Variants in CACNA1A observed in about 807,000 individuals in gnomAD.
The protein encoded by CACNA1A is calcium voltage-gated channel subunit alpha1 A, also known as voltage-dependent P/Q-type calcium channel subunit alpha-1A.
A neutral mutation model predicts 262.4 loss-of-function variants in CACNA1A; 57 were observed. That is an observed-to-expected ratio of 0.22 (90% CI 0.18 to 0.27). CACNA1A has a LOEUF of 0.27. CACNA1A is among the 10% of genes least tolerant of loss of function. The pLI is 1.00. For synonymous variants in CACNA1A, 1,431 were observed against 1,419.3 expected (o/e 1.01, Z -0.18); for missense variants, 2,526 against 3,562.8 (o/e 0.71, Z 7.41).
intron 38 of CACNA1A, among the ~76,000 whole-genome samples, chr19:13,221,234 C>CTTTCTTTCT (rs1555734435): frequency 2.8e-5 from 1 of 36,300 alleles, no homozygotes; most frequent in Admixed American, 4.5e-4. Flanking sequence ...TTCTTTCTTT[C>CTTTCTTTCT]TTTTTTTTTT....
chr19:13,329,489 T>C (rs1338351566), intron 10 of CACNA1A, among the ~76,000 whole-genome samples: 1 of 147,674 alleles, frequency 6.8e-6, no homozygotes, highest in African/African-American at 2.5e-5. Flanking sequence ...TTTGTGTCTT[T>C]TTTTTTTTTT....
chr19:13,238,180 G>C (rs1045923524), intron 31 of CACNA1A, among the ~76,000 whole-genome samples: 6 of 152,038 alleles, frequency 3.9e-5, no homozygotes, highest in Non-Finnish European at 8.8e-5. Context: ...TCTTTCCACT[G>C]CCCCCAGAAC....
At chr19:13,453,604 A>G (rs1878438377) in intron 2 of CACNA1A, among the ~76,000 whole-genome samples, 2 of 152,252 alleles carry the variant, frequency 1.3e-5, no homozygotes, top group South Asian at 4.1e-4. Flanking sequence ...TTGGAATAGG[A>G]CTTCTGTACT....
intron 3 of CACNA1A, among the ~76,000 whole-genome samples, chr19:13,384,626 G>C (rs1441729125): frequency 6.6e-6 from 1 of 152,194 alleles, no homozygotes; most frequent in Admixed American, 6.5e-5. Context: ...CTTGAACCTG[G>C]GAGGCAGAGG....
chr19:13,259,952 C>A (rs2056685794), intron 26 of CACNA1A: 1 of 445,544 alleles, frequency 2.2e-6, no homozygotes, highest in African/African-American at 2.0e-5. Context: ...GACCCAGGGT[C>A]CAGCACCCTC....
At chr19:13,250,806 A>G (rs946279678) in intron 30 of CACNA1A, among the ~76,000 whole-genome samples, 3 of 152,226 alleles carry the variant, frequency 2.0e-5, no homozygotes, top group African/African-American at 7.2e-5. Context: ...CAAGGGCTTC[A>G]AGGTTACCTT....
intron 38 of CACNA1A, among the ~76,000 whole-genome samples, chr19:13,218,526 G>T (rs2055103577): frequency 6.6e-6 from 1 of 152,148 alleles, no homozygotes; most frequent in Non-Finnish European, 1.5e-5. Flanking sequence ...CTCGCACCTG[G>T]TGTCTCCTGG....
intron 4 of CACNA1A, among the ~76,000 whole-genome samples, chr19:13,368,447 C>T (rs1287438371): frequency 6.6e-6 from 1 of 151,980 alleles, no homozygotes; most frequent in Admixed American, 6.6e-5. Flanking sequence ...AGCCTCCTGC[C>T]TCAGCCTCCC....
chr19:13,431,680 A>C (rs2060506758), intron 3 of CACNA1A, among the ~76,000 whole-genome samples: 1 of 152,166 alleles, frequency 6.6e-6, no homozygotes, highest in East Asian at 1.9e-4. Flanking sequence ...GTACACAATG[A>C]AGTACTATTC....
At chr19:13,268,578 G>A (rs1262867195) in intron 24 of CACNA1A, among the ~76,000 whole-genome samples, 1 of 151,644 alleles carries the variant, frequency 6.6e-6, no homozygotes, top group Non-Finnish European at 1.5e-5. Context: ...GACTACAGGC[G>A]CCCACCACCA....
At chr19:13,476,612 A>G (rs1471261386) in intron 1 of CACNA1A, among the ~76,000 whole-genome samples, 1 of 152,160 alleles carries the variant, frequency 6.6e-6, no homozygotes, top group East Asian at 1.9e-4. Context: ...GGGGGATGAA[A>G]TGTTCTGAGA....
intron 3 of CACNA1A, among the ~76,000 whole-genome samples, chr19:13,406,468 T>TAG (rs2060007125): frequency 7.3e-5 from 1 of 13,792 alleles, no homozygotes; most frequent in Non-Finnish European, 1.8e-4. Context: ...AAAAAAATTA[T>TAG]ATATATATAT....
In CACNA1A at chr19:13,207,226, G is replaced by A; in HGVS notation, c.*87C>T. On this transcript the variant is annotated 3_prime_UTR_variant, in exon 47 of 47. Coordinates refer to ENST00000360228, the MANE Select transcript of CACNA1A (RefSeq NM_001127222.2). This position sits in a 1 kb window ranked among gnomAD's most constrained non-coding sequence, Gnocchi z 5.7. The stretch of plus-strand genomic sequence containing the variant: ...GGCCCTCTCCCGGGCCCTCTGTGCT[G>A]GGCCCCCGCGGCCTCTGCGCGGCTC... 1 of 1,355,394 alleles carries A rather than the reference G, an allele frequency of 7.4e-7. No individual in the cohort carries two copies. The highest frequency in any genetic ancestry group is 9.6e-7 in the Non-Finnish European group (1 of 1,042,618). 84.0% of individuals were successfully genotyped at this position (1,355,394 alleles called of 1,614,324 possible).
At chr19:13,342,426 G>A (rs1270594497) in intron 6 of CACNA1A, among the ~76,000 whole-genome samples, 2 of 152,164 alleles carry the variant, frequency 1.3e-5, no homozygotes, top group South Asian at 2.1e-4. Flanking sequence ...GGGGAGGATG[G>A]CTTGCTCATT....
chr19:13,274,123 A>G (rs1240239225), intron 24 of CACNA1A: 1 of 152,224 alleles, frequency 6.6e-6, no homozygotes, highest in Non-Finnish European at 1.5e-5. Flanking sequence ...GAGAAAAAGA[A>G]AAGAGTAAAC....
chr19:13,373,388 T>C (rs1051987446), intron 3 of CACNA1A, among the ~76,000 whole-genome samples: 1 of 152,248 alleles, frequency 6.6e-6, no homozygotes, highest in Non-Finnish European at 1.5e-5. Flanking sequence ...CTGGTATCTG[T>C]ACCTCTTGCC....
chr19:13,455,296 G>C, intron 1 of CACNA1A, 84 bp from the exon 2 acceptor site: 1 of 778,022 alleles, frequency 1.3e-6, no homozygotes, highest in Non-Finnish European at 2.3e-6. Context: ...CCAGTGGAAA[G>C]ATCTCAAGCC....
chr19:13,297,743 G>T (rs1363358175), intron 19 of CACNA1A, among the ~76,000 whole-genome samples: 1 of 152,110 alleles, frequency 6.6e-6, no homozygotes, highest in Non-Finnish European at 1.5e-5. Flanking sequence ...AGCCCGGGAG[G>T]TAGAGGCTGC....
intron 3 of CACNA1A, among the ~76,000 whole-genome samples, chr19:13,424,385 C>A (rs953000977): frequency 1.3e-5 from 2 of 152,084 alleles, no homozygotes; most frequent in African/African-American, 4.8e-5. Context: ...AACAAACAAA[C>A]AAACAACAAC....
Sources: gnomAD v4.1 joint callset for allele counts (sites outside exome capture counted in the v4.1 genomes callset) on GRCh38, gnomAD v4.1.1 for gene constraint, Gnocchi (gnomAD v3.1) non-coding constraint, MANE v1.5 for transcripts, NCBI Gene and HGNC (gene_info 2026-07-23, HGNC 2026-07-21) for gene names.